The following FREM3 variants were observed in gnomAD, a reference collection of about 807,000 sequenced individuals.
The protein encoded by FREM3 is FRAS1 related extracellular matrix 3.
A neutral mutation model predicts 129.1 loss-of-function variants in FREM3; 105 were observed. The observed-to-expected ratio is 0.81, with a 90% confidence interval of 0.69 to 0.96. FREM3 has a LOEUF of 0.96. Among genes scored for constraint, FREM3 ranks in the 40% least tolerant of loss-of-function variants. The probability of loss-of-function intolerance (pLI) is 0.00; values close to 1 mark genes in which losing one functional copy is unlikely to be tolerated. For missense variants in FREM3, 2,593 were observed against 2,666.3 expected (o/e 0.97, Z 0.61); for synonymous variants, 1,014 against 1,044.9 (o/e 0.97, Z 0.57).
chr4:143,699,821 C>G lies in FREM3; in HGVS notation c.855G>C (p.Leu285=), dbSNP rs939719247. ...CGAGCAGCTGGAAGTGCTCGCGGACCAGCACACCCGCGGACCCAGCGTCTT... is the reference window on the plus strand; with the variant it reads ...CGAGCAGCTGGAAGTGCTCGCGGACGAGCACACCCGCGGACCCAGCGTCTT... The part of the protein sequence containing the change: ...EGQDAGSAGV[L]VREHFQLLVR... Residue 285 remains leucine (L), a synonymous_variant, in exon 1 of 8, where the codon CTG becomes CTC. Transcript: ENST00000329798. The surrounding 1 kb of genome is among the most constrained non-coding windows in gnomAD (Gnocchi z 4.2). 8 of 1,536,548 alleles carry G rather than the reference C, an allele frequency of 5.2e-6. No individual in the cohort carries two copies. Among genetic ancestry groups the G allele is most frequent in the Non-Finnish European group, 7.0e-6 (8 of 1,146,904 alleles).
rs141703564 is a variant in FREM3 at position 143,623,992 on chromosome 4, C to T, written c.5653+116G>A. On this transcript the variant is annotated intron_variant, in intron 4 of 7. Transcript: ENST00000329798. Reference sequence around the variant, plus strand: ...TAAAGTAATTTACTTCACTTTAAATCCTAAATGGATATGAACGCATTTAGT... The same window carrying T: ...TAAAGTAATTTACTTCACTTTAAATTCTAAATGGATATGAACGCATTTAGT... The T allele has an allele frequency of 6.1e-5, 38 of 625,550 alleles. No individual in the cohort carries two copies. The African/African-American group carries it at 6.6e-4, about 11-fold the overall frequency. The allele number at this position is 625,550 out of a possible 1,614,324, so 38.7% of individuals were successfully genotyped here.
intron 7 of FREM3, among the ~76,000 whole-genome samples, chr4:143,582,763 G>A (rs1360677668): frequency 5.3e-5 from 8 of 151,856 alleles, no homozygotes; most frequent in Non-Finnish European, 1.0e-4. Context: ...AAGGAATCTA[G>A]GGATAATAAT....
chr4:143,604,659 A>G (rs1313119302), intron 6 of FREM3, among the ~76,000 whole-genome samples: 1 of 152,196 alleles, frequency 6.6e-6, no homozygotes, highest in Non-Finnish European at 1.5e-5. Context: ...CTGAAAGGTA[A>G]CTAGAAGCCA....
At chr4:143,688,956 A>T (rs1740417483) in intron 2 of FREM3, among the ~76,000 whole-genome samples, 1 of 152,222 alleles carries the variant, frequency 6.6e-6, no homozygotes, top group African/African-American at 2.4e-5. Flanking sequence ...CCTTCTAGAC[A>T]TTGGCTTAGC....
chr4:143,687,712 A>G (rs374667910), intron 2 of FREM3, among the ~76,000 whole-genome samples: 1 of 152,186 alleles, frequency 6.6e-6, no homozygotes, highest in Non-Finnish European at 1.5e-5. Context: ...TTGAACATCC[A>G]CAAGTCAATA....
At chr4:143,660,711 C>G (rs893263026) in intron 2 of FREM3, among the ~76,000 whole-genome samples, 5 of 152,050 alleles carry the variant, frequency 3.3e-5, no homozygotes, top group African/African-American at 4.8e-5. Flanking sequence ...TCTTCCTACC[C>G]ATGAGCATGG....
chr4:143,595,201 A>C (rs1261375573), intron 6 of FREM3, among the ~76,000 whole-genome samples: 1 of 152,244 alleles, frequency 6.6e-6, no homozygotes, highest in Non-Finnish European at 1.5e-5. Flanking sequence ...ATGCCAAAAA[A>C]TGGAAGATAG....
At chr4:143,636,354 G>C (rs1350448759) in intron 2 of FREM3, among the ~76,000 whole-genome samples, 1 of 124,608 alleles carries the variant, frequency 8.0e-6, no homozygotes, top group African/African-American at 3.0e-5. Context: ...AAAAAAAAAA[G>C]ACATGGAGAG....
chr4:143,652,231 C>T (rs535379787), intron 2 of FREM3, among the ~76,000 whole-genome samples: 1 of 36,656 alleles, frequency 2.7e-5, no homozygotes, highest in Non-Finnish European at 7.6e-5. Context: ...GGCGCAATCT[C>T]GGCTCACTGC....
At chr4:143,681,940 C>T (rs1740258440) in intron 2 of FREM3, among the ~76,000 whole-genome samples, 1 of 152,168 alleles carries the variant, frequency 6.6e-6, no homozygotes, top group Non-Finnish European at 1.5e-5. Context: ...GATTGACTTA[C>T]TTCCTCTCCT....
intron 6 of FREM3, among the ~76,000 whole-genome samples, chr4:143,593,408 T>G (rs1344196534): frequency 6.7e-6 from 1 of 149,458 alleles, no homozygotes; most frequent in Non-Finnish European, 1.5e-5. Flanking sequence ...TACAGATGGG[T>G]TTTTGGTGTG....
intron 2 of FREM3, among the ~76,000 whole-genome samples, chr4:143,673,848 GC>G (rs1474431650): frequency 6.6e-6 from 1 of 152,216 alleles, no homozygotes; most frequent in Non-Finnish European, 1.5e-5. Flanking sequence ...AGACTGCTGT[GC>G]TAGCAATGAG....
chr4:143,644,591 T>A (rs1359268952), intron 2 of FREM3, among the ~76,000 whole-genome samples: 1 of 152,152 alleles, frequency 6.6e-6, no homozygotes, highest in Non-Finnish European at 1.5e-5. Flanking sequence ...AGTCTTTAGA[T>A]CAATAACTTT....
chr4:143,602,824 T>C (rs1448379714), intron 6 of FREM3, among the ~76,000 whole-genome samples: 2 of 152,174 alleles, frequency 1.3e-5, no homozygotes, highest in South Asian at 2.1e-4. Context: ...GCATGAAACC[T>C]AGAGAAGAGC....
chr4:143,619,714 T>C (rs1738913307), intron 5 of FREM3, among the ~76,000 whole-genome samples: 1 of 152,184 alleles, frequency 6.6e-6, no homozygotes, highest in African/African-American at 2.4e-5. Flanking sequence ...ATACTAAACA[T>C]GACTACAGGT....
rs1482054370 is a variant in FREM3 at position 143,693,181 on chromosome 4, A to G, written c.5207T>C (p.Ile1736Thr). 1 of 1,508,962 alleles carries G rather than the reference A, an allele frequency of 6.6e-7. No homozygotes were observed. The highest frequency in any genetic ancestry group is 2.5e-5 in the East Asian group (1 of 40,270). The allele number at this position is 1,508,962 out of a possible 1,614,324, so 93.5% of individuals were successfully genotyped here. A position where few individuals can be genotyped will look rare whatever the true frequency, so the allele number is the denominator to read the frequency against. The change falls in exon 2 of 8, where the codon ATA becomes ACA. Residue 1736 changes from isoleucine (I) to threonine (T), a missense_variant. This residue lies in a region of FREM3 where 2,276 missense variants were observed against 2,267.2 expected (regional missense o/e 1.00). Coordinates refer to ENST00000329798, the MANE Select transcript of FREM3 (RefSeq NM_001168235.2). ...FTQADIDEMKISYVLNEGSNA... is the reference protein window; with the variant it reads ...FTQADIDEMKTSYVLNEGSNA... ...GCTGCCCTCATTCAAGACATAGGATATCTTCATCTCATCAATGTCAGCTAA... is the reference window on the plus strand; with the variant it reads ...GCTGCCCTCATTCAAGACATAGGATGTCTTCATCTCATCAATGTCAGCTAA...
intron 2 of FREM3, among the ~76,000 whole-genome samples, chr4:143,660,455 G>C (rs1448850505): frequency 6.6e-6 from 1 of 152,062 alleles, no homozygotes; most frequent in African/African-American, 2.4e-5. Context: ...CTCTGTTTTG[G>C]TACCAGTACC....
In FREM3 at chr4:143,698,692, G is replaced by A. The variant is rs1308002371; in HGVS notation, c.1984C>T (p.Pro662Ser). ...EGRLFYRHLG[P>S]HSPQSVMVQL... ...ACCATTACAGATTGAGGGCTGTGTG[G>A]TCCAAGATGGCGGTAGAAGAGTCTC... The change falls in exon 1 of 8, where the codon CCA (proline) becomes TCA (serine). Residue 662 changes from proline (P) to serine (S), a missense_variant. By Grantham distance (74) the Pro-to-Ser change is moderately conservative. Coordinates refer to ENST00000329798, the MANE Select transcript of FREM3 (RefSeq NM_001168235.2). 1.1e-5 allele frequency: 17 copies of A among 1,537,472 alleles called. No homozygotes were observed. Among genetic ancestry groups the A allele is most frequent in the Non-Finnish European group, 1.5e-5 (17 of 1,146,970 alleles).
intron 2 of FREM3, among the ~76,000 whole-genome samples, chr4:143,662,720 G>A (rs1739760484): frequency 6.6e-6 from 1 of 152,010 alleles, no homozygotes; most frequent in Non-Finnish European, 1.5e-5. Flanking sequence ...GGGAGTCTAA[G>A]TCTCTTTATA....
Sources: allele counts gnomAD v4.1 joint callset (sites outside exome capture counted in the v4.1 genomes callset), GRCh38; gene constraint gnomAD v4.1.1; regional missense constraint gnomAD v4.1.1; non-coding constraint Gnocchi (gnomAD v3.1); transcripts MANE v1.5; gene names NCBI Gene and HGNC (gene_info 2026-07-23, HGNC 2026-07-21).